Variants in CDH12 observed in about 807,000 individuals in gnomAD.
The protein encoded by CDH12 is cadherin 12.
In CDH12, 41 loss-of-function variants were observed where a neutral mutation model predicts 74.1. That is an observed-to-expected ratio of 0.55 (90% CI 0.43 to 0.72). CDH12 has a LOEUF of 0.72. CDH12 is among the 30% of genes least tolerant of loss of function. The pLI is 0.00. For synonymous variants in CDH12, 399 were observed against 355.0 expected (o/e 1.12, Z -1.39); for missense variants, 945 against 977.2 (o/e 0.97, Z 0.44).
intron 3 of CDH12, among the ~76,000 whole-genome samples, chr5:22,240,960 C>T (rs180742747): frequency 6.6e-6 from 1 of 151,746 alleles, no homozygotes; most frequent in African/African-American, 2.4e-5. Flanking sequence ...AGGAGAAGGG[C>T]AAGGAAGGAG....
intron 4 of CDH12, among the ~76,000 whole-genome samples, chr5:22,146,318 C>T (rs1318861649): frequency 1.3e-5 from 2 of 151,984 alleles, no homozygotes; most frequent in East Asian, 1.9e-4. Context: ...AAAGGTTAAT[C>T]TTTTAACAAC....
intron 6 of CDH12, among the ~76,000 whole-genome samples, chr5:21,904,808 GAAAGAA>G (rs1341792581): frequency 2.0e-5 from 3 of 151,620 alleles, no homozygotes; most frequent in African/African-American, 7.3e-5. Context: ...AAAACAGAAA[GAAAGAA>G]AAAGGAAAAG....
chr5:22,175,363 GCTT>G (rs1314943452), intron 4 of CDH12, among the ~76,000 whole-genome samples: 1 of 151,668 alleles, frequency 6.6e-6, no homozygotes, highest in Non-Finnish European at 1.5e-5. Context: ...AAATATGGTA[GCTT>G]CTTCTGTGTC....
chr5:22,565,930 A>C (rs1739261225), intron 1 of CDH12, among the ~76,000 whole-genome samples: 1 of 152,204 alleles, frequency 6.6e-6, no homozygotes, highest in African/African-American at 2.4e-5. Flanking sequence ...ACAATACAAA[A>C]TACACCAAGA....
intron 4 of CDH12, among the ~76,000 whole-genome samples, chr5:22,175,661 G>A (rs1749290467): frequency 6.6e-6 from 1 of 152,190 alleles, no homozygotes; most frequent in South Asian, 2.1e-4. Context: ...GCCTGTAAAA[G>A]GAATCTGTAT....
At chr5:22,783,195 T>G (rs1383291145) in intron 1 of CDH12, among the ~76,000 whole-genome samples, 1 of 152,176 alleles carries the variant, frequency 6.6e-6, no homozygotes, top group African/African-American at 2.4e-5. Flanking sequence ...TGTTGTAACA[T>G]ATTTATAAAT....
chr5:22,682,649 C>G (rs1350405807), intron 1 of CDH12, among the ~76,000 whole-genome samples: 2 of 151,998 alleles, frequency 1.3e-5, no homozygotes, highest in African/African-American at 4.8e-5. Flanking sequence ...GAATTATAAG[C>G]AGTCCTCTAA....
intron 6 of CDH12, among the ~76,000 whole-genome samples, chr5:21,950,757 T>TTTATTTTTA (rs1554047074): frequency 1.5e-5 from 2 of 137,006 alleles, no homozygotes; most frequent in Non-Finnish European, 3.1e-5. Context: ...TAAATTTTAT[T>TTTATTTTTA]TTATTATTAT....
At chr5:22,067,662 C>T (rs1195946702) in intron 5 of CDH12, among the ~76,000 whole-genome samples, 1 of 152,128 alleles carries the variant, frequency 6.6e-6, no homozygotes, top group Non-Finnish European at 1.5e-5. Context: ...TGGTTGGTCT[C>T]ATTTGATGAA....
chr5:22,011,878 T>C (rs1737316995), intron 5 of CDH12, among the ~76,000 whole-genome samples: 1 of 152,088 alleles, frequency 6.6e-6, no homozygotes, highest in Non-Finnish European at 1.5e-5. Context: ...TCAGCAAACA[T>C]TTATTTACCA....
chr5:22,398,533 T>C (rs997072569), intron 3 of CDH12, among the ~76,000 whole-genome samples: 13 of 152,066 alleles, frequency 8.5e-5, no homozygotes, highest in African/African-American at 3.1e-4. Context: ...CTGGATTTCT[T>C]GGTGATTTGA....
At chr5:22,535,370 A>G (rs1737797996) in intron 1 of CDH12, among the ~76,000 whole-genome samples, 1 of 151,652 alleles carries the variant, frequency 6.6e-6, no homozygotes, top group East Asian at 1.9e-4. Context: ...GTTAGCCAGG[A>G]TGGTCTCGAT....
intron 5 of CDH12, among the ~76,000 whole-genome samples, chr5:22,059,270 T>TCTATCTAC (rs1740990193): frequency 6.6e-6 from 1 of 150,576 alleles, no homozygotes; most frequent in Admixed American, 6.6e-5. Context: ...TATCTATCTA[T>TCTATCTAC]CTATCTATCT....
chr5:22,165,724 A>G (rs1333651341), intron 4 of CDH12, among the ~76,000 whole-genome samples: 5 of 152,204 alleles, frequency 3.3e-5, no homozygotes, highest in Non-Finnish European at 5.9e-5. Context: ...CACAAGATAC[A>G]GGTCATAAAG....
chr5:22,383,379 T>G (rs983386529), intron 3 of CDH12, among the ~76,000 whole-genome samples: 1 of 152,140 alleles, frequency 6.6e-6, no homozygotes, highest in African/African-American at 2.4e-5. Flanking sequence ...CTTAGAAAAG[T>G]GTCAATCAAG....
chr5:22,525,291 G>A lies in CDH12; in HGVS notation c.-522-19927C>T, dbSNP rs189365416. The stretch of plus-strand genomic sequence containing the variant: ...ACATACATGTGCATGTGTCTTTATA[G>A]CAGCACATCTCATATTTTATTGACC... On this transcript the variant is annotated intron_variant, in intron 1 of 14. Coordinates refer to ENST00000382254, the MANE Select transcript of CDH12 (RefSeq NM_004061.5). Among the ~76,000 whole-genome samples the A allele has an allele frequency of 2.9e-4, 44 of 152,202 alleles. No homozygotes were observed. In the East Asian group the frequency reaches 3.1e-3, roughly 11 times the overall value.
chr5:22,071,971 T>C (rs1423245482), intron 5 of CDH12, among the ~76,000 whole-genome samples: 1 of 152,154 alleles, frequency 6.6e-6, no homozygotes, highest in Non-Finnish European at 1.5e-5. Flanking sequence ...TACATTGCCA[T>C]GATCAATGAA....
intron 5 of CDH12, among the ~76,000 whole-genome samples, chr5:22,035,948 A>T (rs1411260077): frequency 6.6e-6 from 1 of 152,166 alleles, no homozygotes; most frequent in African/African-American, 2.4e-5. Flanking sequence ...TCTGAAATTC[A>T]TTGATTGATT....
chr5:22,227,397 A>G (rs931560241), intron 3 of CDH12, among the ~76,000 whole-genome samples: 1 of 152,190 alleles, frequency 6.6e-6, no homozygotes, highest in Non-Finnish European at 1.5e-5. Flanking sequence ...CTTTTAAGAT[A>G]GAAACATGTC....
Sources: allele counts gnomAD v4.1 joint callset (sites outside exome capture counted in the v4.1 genomes callset), GRCh38; gene constraint gnomAD v4.1.1; transcripts MANE v1.5; gene names NCBI Gene and HGNC (gene_info 2026-07-23, HGNC 2026-07-21).